The following TRMT11 variants were observed in gnomAD, a reference collection of about 807,000 sequenced individuals.
The protein encoded by TRMT11 is tRNA (guanine(10)-N(2))-methyltransferase TRMT11.
In TRMT11, 53 loss-of-function variants were observed where a neutral mutation model predicts 62.8. The ratio of observed to expected loss-of-function variants is 0.84; its 90% CI spans 0.68 to 1.06. TRMT11 has a LOEUF of 1.06. Among genes scored for constraint, TRMT11 ranks in the 50% least tolerant of loss-of-function variants. TRMT11 has a pLI of 0.00. For missense variants in TRMT11, 556 were observed against 553.4 expected (o/e 1.00, Z -0.05); for synonymous variants, 188 against 190.3 (o/e 0.99, Z 0.10).
chr6:126,038,771 C>A lies in TRMT11; in HGVS notation c.1327C>A (p.Arg443Ser). ...FLPYQGHNSF[R>S]EKYFSGVTKR... The stretch of plus-strand genomic sequence containing the variant: ...GCCATACCAAGGTCATAATTCCTTC[C>A]GTGAGAAATATTTTAGTGGGGTAAC... Residue 443 changes from arginine (R) to serine (S), a missense_variant, in exon 13 of 13, where the codon CGT (arginine) becomes AGT (serine). Arg to Ser is a moderately radical substitution (Grantham distance 110). Transcript: ENST00000334379. 1.2e-6 allele frequency: 2 copies of A among 1,605,294 alleles called. No individual in the cohort carries two copies. Among genetic ancestry groups the A allele is most frequent in the South Asian group, 1.1e-5 (1 of 89,704 alleles).
intron 17 of TRMT11, among the ~76,000 whole-genome samples, chr6:126,080,340 G>A (rs1277732372): frequency 2.6e-5 from 4 of 151,846 alleles, no homozygotes. Flanking sequence ...CAAACTTCTG[G>A]CCTCTCAAAG....
At chr6:126,087,361 A>G (rs1184671364) in intron 17 of TRMT11, among the ~76,000 whole-genome samples, 3 of 152,244 alleles carry the variant, frequency 2.0e-5, no homozygotes, top group Non-Finnish European at 1.5e-5. Flanking sequence ...ATTAAAACCT[A>G]CTTTAAAGTA....
chr6:126,247,694 A>T, the TRMT11 span, among the ~76,000 whole-genome samples: 19 of 151,384 alleles, frequency 1.3e-4, no homozygotes, highest in East Asian at 2.9e-3. Context: ...AAACCTGATG[A>T]AATCTCTTAG....
At chr6:126,245,151 A>G in the TRMT11 span, among the ~76,000 whole-genome samples, 1 of 152,256 alleles carries the variant, frequency 6.6e-6, no homozygotes, top group African/African-American at 2.4e-5. Flanking sequence ...ATATGTGAGC[A>G]ATTATTCTAG....
At chr6:126,155,548 C>T (rs1778108924) in intron 21 of TRMT11, among the ~76,000 whole-genome samples, 1 of 152,202 alleles carries the variant, frequency 6.6e-6, no homozygotes, top group Non-Finnish European at 1.5e-5. Flanking sequence ...TAAGTCTCAT[C>T]TGAGACTCAT....
the TRMT11 span, among the ~76,000 whole-genome samples, chr6:126,236,089 T>C: frequency 5.3e-5 from 8 of 152,366 alleles, no homozygotes; most frequent in East Asian, 1.3e-3. Flanking sequence ...TTAACCATTA[T>C]ACTCAGGAAG....
chr6:126,043,624 G>A (rs1260004064), downstream of TRMT11, among the ~76,000 whole-genome samples: 1 of 152,066 alleles, frequency 6.6e-6, no homozygotes, highest in Non-Finnish European at 1.5e-5. Flanking sequence ...CTGAGGAATT[G>A]CCACACTGAC....
chr6:126,075,254 A>G (rs1776985361), intron 17 of TRMT11, among the ~76,000 whole-genome samples: 1 of 152,152 alleles, frequency 6.6e-6, no homozygotes, highest in Admixed American at 6.6e-5. Flanking sequence ...TGAGATCCAT[A>G]AATAAGGTTT....
chr6:126,115,475 C>T (rs957808275), exon 20 of TRMT11, among the ~76,000 whole-genome samples: 1 of 152,078 alleles, frequency 6.6e-6, no homozygotes, highest in Non-Finnish European at 1.5e-5. Flanking sequence ...AATTCAGTCA[C>T]CTGATATTTG....
At chr6:126,194,840 C>T (rs776140445) in intron 1 of TRMT11, among the ~76,000 whole-genome samples, 1 of 152,146 alleles carries the variant, frequency 6.6e-6, no homozygotes, top group Non-Finnish European at 1.5e-5. Flanking sequence ...CTAGGTTGGG[C>T]ATAGTAGCTC....
chr6:126,254,782 T>G, the TRMT11 span, among the ~76,000 whole-genome samples: 2 of 152,258 alleles, frequency 1.3e-5, no homozygotes, highest in African/African-American at 4.8e-5. Flanking sequence ...TCATCTTGTT[T>G]TTAACTACCT....
chr6:125,998,900 T>G (rs1237219407), intron 6 of TRMT11, among the ~76,000 whole-genome samples: 2 of 151,912 alleles, frequency 1.3e-5, no homozygotes, highest in African/African-American at 2.4e-5. Flanking sequence ...TAGGGAGGAG[T>G]TGGTATACCT....
intron 17 of TRMT11, among the ~76,000 whole-genome samples, chr6:126,107,173 GA>G (rs141282954): frequency 2.0e-5 from 3 of 151,806 alleles, no homozygotes; most frequent in African/African-American, 7.2e-5. Context: ...CAGTCCTTTA[GA>G]AAAAAAATGA....
At chr6:126,023,893 T>G (rs1796181051) in intron 12 of TRMT11, among the ~76,000 whole-genome samples, 1 of 152,154 alleles carries the variant, frequency 6.6e-6, no homozygotes, top group African/African-American at 2.4e-5. Context: ...CAGTGAAATA[T>G]TTGTGTACGA....
chr6:126,237,200 C>A, the TRMT11 span, among the ~76,000 whole-genome samples: 23 of 152,192 alleles, frequency 1.5e-4, no homozygotes, highest in African/African-American at 4.6e-4. Flanking sequence ...TGTTTCAGTG[C>A]CCTATAAAAC....
At chr6:126,080,111 G>T (rs200454080) in intron 17 of TRMT11, among the ~76,000 whole-genome samples, 23 of 151,850 alleles carry the variant, frequency 1.5e-4, no homozygotes, top group Non-Finnish European at 2.4e-4. Context: ...TGTTGTTGTT[G>T]TTTTTTTAGA....
At chr6:126,042,086 A>G (rs1328421353), downstream of TRMT11, among the ~76,000 whole-genome samples, 6 of 152,198 alleles carry the variant, frequency 3.9e-5, no homozygotes, top group Admixed American at 3.3e-4. Context: ...GTACTTTACT[A>G]AAACATTGAG....
intron 21 of TRMT11, among the ~76,000 whole-genome samples, chr6:126,169,309 C>CT (rs769952983): frequency 3.3e-5 from 5 of 152,070 alleles, no homozygotes; most frequent in South Asian, 2.1e-4. Flanking sequence ...CCTTGAGACT[C>CT]TAAGTGATGT....
At chr6:126,011,999 G>A (rs1450071752) in intron 9 of TRMT11, among the ~76,000 whole-genome samples, 1 of 152,050 alleles carries the variant, frequency 6.6e-6, no homozygotes, top group Non-Finnish European at 1.5e-5. Context: ...GAGTTTTTTA[G>A]GCAGCCTATC....
Sources: gnomAD v4.1 joint callset for allele counts (sites outside exome capture counted in the v4.1 genomes callset) on GRCh38, gnomAD v4.1.1 for gene constraint, MANE v1.5 for transcripts, NCBI Gene and HGNC (gene_info 2026-07-23, HGNC 2026-07-21) for gene names.